The following INTS15 variants were observed in gnomAD, a reference collection of about 807,000 sequenced individuals.
The protein encoded by INTS15 is integrator complex subunit 15.
chr7:6,599,812 A>G, the INTS15 span: 1 of 1,609,164 alleles, frequency 6.2e-7, no homozygotes. Context: ...TCCTGACCTA[A>G]TGGTCTTTGT....
chr7:6,600,438 CTG>C, the INTS15 span: 4 of 1,378,992 alleles, frequency 2.9e-6, no homozygotes, highest in Non-Finnish European at 3.9e-6. Context: ...TGGACAGACA[CTG>C]TTTTTGCTTC....
chr7:6,593,197 C>G, the INTS15 span, among the ~76,000 whole-genome samples: 3 of 152,176 alleles, frequency 2.0e-5, no homozygotes, highest in African/African-American at 7.2e-5. Context: ...TAGTCTCTTT[C>G]ACAGCTACTC....
At chr7:6,606,799 G>GA in the INTS15 span, among the ~76,000 whole-genome samples, 2 of 150,814 alleles carry the variant, frequency 1.3e-5, no homozygotes, top group South Asian at 2.1e-4. Context: ...TTGAACTTCT[G>GA]AACTCAAGCA....
the INTS15 span, among the ~76,000 whole-genome samples, chr7:6,596,435 G>T: frequency 7.0e-6 from 1 of 142,106 alleles, no homozygotes; most frequent in Non-Finnish European, 1.5e-5. Context: ...CTGGAGTGCA[G>T]TGGCATGATC....
the INTS15 span, among the ~76,000 whole-genome samples, chr7:6,596,736 T>C: frequency 2.6e-5 from 4 of 151,910 alleles, no homozygotes; most frequent in Non-Finnish European, 5.9e-5. Flanking sequence ...TGTGGAAATA[T>C]TGTGAACATG....
the INTS15 span, chr7:6,590,289 C>G: frequency 6.4e-7 from 1 of 1,561,198 alleles, no homozygotes; most frequent in Non-Finnish European, 8.6e-7. Flanking sequence ...GCACCATGAG[C>G]GACATCCGCC....
At chr7:6,602,159 C>G in the INTS15 span, 2 of 1,606,806 alleles carry the variant, frequency 1.2e-6, no homozygotes, top group Middle Eastern at 1.7e-4. Flanking sequence ...CCTCAGGACT[C>G]CTAGCTGGGC....
chr7:6,590,437 G>A, the INTS15 span: 2 of 1,599,662 alleles, frequency 1.3e-6, no homozygotes, highest in South Asian at 1.1e-5. Context: ...GGAGGAGTTC[G>A]TGTTCCAGGT....
At chr7:6,604,302 G>C in the INTS15 span, among the ~76,000 whole-genome samples, 2 of 152,144 alleles carry the variant, frequency 1.3e-5, no homozygotes, top group Non-Finnish European at 2.9e-5. Context: ...CAAAGAACTG[G>C]AAACAACCTG....
At chr7:6,590,529 T>A in the INTS15 span, 3 of 1,488,040 alleles carry the variant, frequency 2.0e-6, no homozygotes, top group Admixed American at 6.8e-5. Context: ...GGGCGGGCCT[T>A]TTCCCCAGCG....
At chr7:6,594,222 G>A in the INTS15 span, among the ~76,000 whole-genome samples, 8 of 146,782 alleles carry the variant, frequency 5.5e-5, no homozygotes, top group Non-Finnish European at 1.2e-4. Flanking sequence ...GGCCAGGCTG[G>A]TCTCGAACTC....
At chr7:6,601,303 A>T in the INTS15 span, among the ~76,000 whole-genome samples, 9 of 143,658 alleles carry the variant, frequency 6.3e-5, no homozygotes, top group East Asian at 8.3e-4. Context: ...TTATTCATTT[A>T]TTTTTTTTTT....
the INTS15 span, among the ~76,000 whole-genome samples, chr7:6,594,025 T>TTTTTA: frequency 6.8e-6 from 1 of 147,302 alleles, no homozygotes; most frequent in African/African-American, 2.5e-5. Flanking sequence ...TTTTTTTTTT[T>TTTTTA]GAGATGAAGT....
the INTS15 span, chr7:6,608,315 C>T: frequency 2.7e-5 from 39 of 1,433,214 alleles, no homozygotes; most frequent in South Asian, 5.5e-4. Context: ...CAGGTGCTTC[C>T]CACCCGGTCG....
chr7:6,597,776 C>T, the INTS15 span, among the ~76,000 whole-genome samples: 2 of 152,224 alleles, frequency 1.3e-5, no homozygotes, highest in Non-Finnish European at 2.9e-5. Context: ...TTGGTGATTT[C>T]TCAAGTCACT....
the INTS15 span, among the ~76,000 whole-genome samples, chr7:6,593,455 C>G: frequency 1.3e-5 from 2 of 151,264 alleles, no homozygotes; most frequent in African/African-American, 4.9e-5. Flanking sequence ...CTCAGCCTCT[C>G]GAGTAGCTGG....
chr7:6,608,022 G>T, the INTS15 span: 23 of 1,600,344 alleles, frequency 1.4e-5, no homozygotes, highest in East Asian at 4.9e-4. Flanking sequence ...CTCCCCCCGG[G>T]GTTCTACCCC....
At chr7:6,597,431 G>A in the INTS15 span, among the ~76,000 whole-genome samples, 3 of 152,178 alleles carry the variant, frequency 2.0e-5, no homozygotes, top group Admixed American at 2.0e-4. Flanking sequence ...AGTAGCTGGG[G>A]CTATAGGCAT....
the INTS15 span, among the ~76,000 whole-genome samples, chr7:6,590,844 CT>C: frequency 2.3e-4 from 34 of 146,538 alleles, no homozygotes; most frequent in Non-Finnish European, 2.7e-4. Flanking sequence ...CTTTCTCTGC[CT>C]TTTTTTTTTT....
Sources: allele counts gnomAD v4.1 joint callset (sites outside exome capture counted in the v4.1 genomes callset), GRCh38; gene constraint gnomAD v4.1.1; transcripts MANE v1.5; gene names NCBI Gene and HGNC (gene_info 2026-07-23, HGNC 2026-07-21).